The following IQSEC1 variants were observed in gnomAD, a reference collection of about 807,000 sequenced individuals.
IQSEC1 encodes IQ motif and SEC7 domain-containing protein 1.
IQSEC1 carries 31 observed loss-of-function variants against 91.0 expected under a neutral mutation model. That is an observed-to-expected ratio of 0.34 (90% CI 0.26 to 0.46). The LOEUF is 0.46. IQSEC1 is among the 20% of genes least tolerant of loss of function. The probability of loss-of-function intolerance (pLI) is 1.00; values close to 1 mark genes in which losing one functional copy is unlikely to be tolerated. For synonymous variants in IQSEC1, 699 were observed against 662.6 expected (o/e 1.05, Z -0.84); for missense variants, 1,388 against 1,575.6 (o/e 0.88, Z 2.02).
At chr3:12,946,713 A>C (rs954150648) in intron 1 of IQSEC1, among the ~76,000 whole-genome samples, 1 of 152,306 alleles carries the variant, frequency 6.6e-6, no homozygotes, top group African/African-American at 2.4e-5. Context: ...GGACTATAAG[A>C]TGAATGTGAG....
chr3:13,015,106 C>T (rs1286775157), intron 1 of IQSEC1, among the ~76,000 whole-genome samples: 1 of 152,192 alleles, frequency 6.6e-6, no homozygotes, highest in East Asian at 1.9e-4. Flanking sequence ...TCCAGGAGCC[C>T]TGGGCCACTG....
intron 1 of IQSEC1, among the ~76,000 whole-genome samples, chr3:13,200,660 C>T (rs774167212): frequency 1.3e-5 from 2 of 152,236 alleles, no homozygotes; most frequent in East Asian, 1.9e-4. Flanking sequence ...CGGCTGCTAG[C>T]CCCTGCTCTC....
intron 1 of IQSEC1, among the ~76,000 whole-genome samples, chr3:13,255,324 G>C (rs1695267766): frequency 6.6e-6 from 1 of 152,172 alleles, no homozygotes; most frequent in Non-Finnish European, 1.5e-5. Context: ...TCTGTCCCCT[G>C]ATCCTGAGGA....
rs958131933 is a variant in IQSEC1 at position 12,899,306 on chromosome 3, C to T, written c.*1677G>A. On this transcript the variant is annotated 3_prime_UTR_variant, in exon 14 of 14. Coordinates refer to ENST00000613206, the MANE Select transcript of IQSEC1 (RefSeq NM_001134382.3). The stretch of plus-strand genomic sequence containing the variant: ...CCACTGGGAACGCGGCCCCGCGGCC[C>T]GCAGAGTCAGGCGTGAGCTTCGCCC... The T allele has an allele frequency of 1.3e-5, 20 of 1,491,426 alleles. No homozygotes were observed. Among genetic ancestry groups the T allele is most frequent in the African/African-American group, 4.2e-5 (3 of 72,206 alleles). 92.4% of individuals were successfully genotyped at this position (1,491,426 alleles called of 1,614,324 possible). A position where few individuals can be genotyped will look rare whatever the true frequency, so the allele number is the denominator to read the frequency against.
intron 1 of IQSEC1, chr3:13,022,556 G>A: frequency 4.1e-6 from 3 of 732,828 alleles, no homozygotes; most frequent in Non-Finnish European, 5.0e-6. Context: ...TGCGTCCAGA[G>A]GCTGGCCTGG....
Position 12,983,677 on chromosome 3 carries a change from C to T in IQSEC1, c.24-41812G>A, listed in dbSNP as rs144613772. ...ACGCCTGGGCTGACCTCACAGGCCA[C>T]GCTGGGCAATTCCTCCCAGCACCTG... On this transcript the variant is annotated intron_variant, in intron 1 of 13. Coordinates refer to ENST00000613206, the MANE Select transcript of IQSEC1 (RefSeq NM_001134382.3). This position sits in a 1 kb window ranked among gnomAD's most constrained non-coding sequence, Gnocchi z 4.3. Among the ~76,000 whole-genome samples the T allele has an allele frequency of 2.7e-4, 41 of 152,292 alleles. No homozygotes were observed. In the East Asian group the frequency reaches 6.4e-3, roughly 24 times the overall value.
chr3:12,920,384 G>C (rs760184068), intron 6 of IQSEC1, 46 bp downstream of exon 6: 1 of 1,599,948 alleles, frequency 6.3e-7, no homozygotes, highest in Non-Finnish European at 8.6e-7. Context: ...GCTGGGGCAG[G>C]TGCTGGAGCA....
At chr3:13,112,063 C>G (rs566863464) in intron 2 of IQSEC1, among the ~76,000 whole-genome samples, 1 of 152,342 alleles carries the variant, frequency 6.6e-6, no homozygotes, top group Non-Finnish European at 1.5e-5. Flanking sequence ...ACACGCTGTT[C>G]CCCTGGTGGG....
intron 2 of IQSEC1, among the ~76,000 whole-genome samples, chr3:13,145,959 C>T (rs1706888884): frequency 6.6e-6 from 1 of 152,148 alleles, no homozygotes; most frequent in Non-Finnish European, 1.5e-5. Context: ...GAGGGAATCT[C>T]AGGCGGGTGC....
upstream of IQSEC1, among the ~76,000 whole-genome samples, chr3:13,074,985 G>A (rs980307852): frequency 2.6e-5 from 4 of 152,082 alleles, no homozygotes; most frequent in East Asian, 3.9e-4. Flanking sequence ...TTGGAGCTGC[G>A]GCCTCAGGTG....
chr3:13,270,411 A>G lies in IQSEC1; in HGVS notation c.272+12300T>C, dbSNP rs139270968. ...AAGAAATAGCAGAGACAAATAATTC[A>G]CTCCCCTTGTCTTCAGGAAGCTTCT... is the stretch of plus-strand genomic sequence containing the variant. On this transcript the variant is annotated intron_variant, in intron 1 of 15. Transcript: ENST00000648114. Among the ~76,000 whole-genome samples, 278 of 152,012 alleles carry G rather than the reference A, an allele frequency of 1.8e-3. 3 individuals are homozygous for G. The highest frequency in any genetic ancestry group is 6.2e-3 in the African/African-American group (256 of 41,444).
intron 13 of IQSEC1, among the ~76,000 whole-genome samples, chr3:12,901,933 T>C (rs1240871421): frequency 6.6e-6 from 1 of 152,012 alleles, no homozygotes; most frequent in Non-Finnish European, 1.5e-5. Context: ...GCCCTGCTCC[T>C]GCTGAAAACA....
At chr3:13,197,227 G>A (rs1327092993) in intron 1 of IQSEC1, among the ~76,000 whole-genome samples, 1 of 152,200 alleles carries the variant, frequency 6.6e-6, no homozygotes, top group Non-Finnish European at 1.5e-5. Flanking sequence ...TCACTTGAAC[G>A]GGAAACGCTT....
At chr3:13,199,833 A>T (rs1559275926) in intron 1 of IQSEC1, among the ~76,000 whole-genome samples, 1 of 10,950 alleles carries the variant, frequency 9.1e-5, no homozygotes, top group Non-Finnish European at 1.5e-4. Flanking sequence ...AGGGTGGAGA[A>T]GCAGCCCCCG....
chr3:12,959,294 G>A (rs930923144), intron 1 of IQSEC1, among the ~76,000 whole-genome samples: 1 of 152,178 alleles, frequency 6.6e-6, no homozygotes, highest in African/African-American at 2.4e-5. Context: ...TACACGTCCT[G>A]GCAAGGGGAA....
intron 3 of IQSEC1, among the ~76,000 whole-genome samples, chr3:12,933,303 C>T (rs2125285547): frequency 6.6e-6 from 1 of 152,320 alleles, no homozygotes; most frequent in South Asian, 2.1e-4. Flanking sequence ...ACCACTGTCA[C>T]ACTAGTGCTA....
At position 13,050,203 on chromosome 3, in the gene IQSEC1, T is replaced by C. The variant is rs373116102; in HGVS notation, c.23+22789A>G. Reference sequence around the variant, plus strand: ...TCCCTCTGTCAACTGCCTTGTTGGGTCCAAGTTGTCTGCAGCCTTGTCCAG... The same window carrying C: ...TCCCTCTGTCAACTGCCTTGTTGGGCCCAAGTTGTCTGCAGCCTTGTCCAG... On this transcript the variant is annotated intron_variant, in intron 1 of 13. Coordinates refer to ENST00000613206, the MANE Select transcript of IQSEC1 (RefSeq NM_001134382.3). Among the ~76,000 whole-genome samples, 70 of 152,124 alleles carry C rather than the reference T, an allele frequency of 4.6e-4. No homozygotes were observed. In the East Asian group the frequency reaches 7.7e-3, roughly 17 times the overall value.
chr3:12,913,565 G>A lies in IQSEC1; in HGVS notation c.2191-12C>T. ...GGCAGAGAGAGCACCTGTGTGGGAA[G>A]AGGCTGTCCTGCCACGGCCGCCCAG... On this transcript the variant is annotated splice_polypyrimidine_tract_variant and intron_variant, in intron 8 of 13. Coordinates refer to ENST00000613206, the MANE Select transcript of IQSEC1 (RefSeq NM_001134382.3). 2 of 1,599,256 alleles carry A rather than the reference G, an allele frequency of 1.3e-6. No individual in the cohort carries two copies. Among genetic ancestry groups the A allele is most frequent in the Non-Finnish European group, 1.7e-6 (2 of 1,170,676 alleles).
chr3:13,274,695 G>A (rs1344228952), intron 1 of IQSEC1, among the ~76,000 whole-genome samples: 1 of 152,232 alleles, frequency 6.6e-6, no homozygotes, highest in African/African-American at 2.4e-5. Context: ...GGGGAGGTCA[G>A]ACCAACTCAG....
Sources: allele counts gnomAD v4.1 joint callset (sites outside exome capture counted in the v4.1 genomes callset), GRCh38; gene constraint gnomAD v4.1.1; non-coding constraint Gnocchi (gnomAD v3.1); transcripts MANE v1.5; gene names NCBI Gene and HGNC (gene_info 2026-07-23, HGNC 2026-07-21).